Variants in AGBL1 observed in about 807,000 individuals in gnomAD.
AGBL1 encodes cytosolic carboxypeptidase 4.
Under a neutral mutation model 118.9 loss-of-function variants are expected in AGBL1, and 130 were observed. That is an observed-to-expected ratio of 1.09 (90% confidence interval 0.95 to 1.26). The LOEUF (loss-of-function observed/expected upper bound fraction) is 1.26, where lower values mean the gene tolerates loss of function less well. Among genes scored for constraint, AGBL1 ranks in the 50% most tolerant of loss-of-function variants. The pLI, the probability that AGBL1 is intolerant of heterozygous loss-of-function variation, is 0.00. For synonymous variants in AGBL1, 555 were observed against 478.9 expected (o/e 1.16, Z -2.08); for missense variants, 1,584 against 1,298.1 (o/e 1.22, Z -3.38).
intron 17 of AGBL1, among the ~76,000 whole-genome samples, chr15:86,367,275 G>T (rs1373677303): frequency 6.6e-6 from 1 of 152,170 alleles, no homozygotes; most frequent in Non-Finnish European, 1.5e-5. Flanking sequence ...CCTCTGTGTG[G>T]AATGTATTTT....
intron 18 of AGBL1, among the ~76,000 whole-genome samples, chr15:86,454,914 A>G (rs2082241395): frequency 6.6e-6 from 1 of 152,160 alleles, no homozygotes; most frequent in Admixed American, 6.5e-5. Flanking sequence ...TAAAATAAAA[A>G]CAAAAAAGCA....
At chr15:86,785,419 G>A (rs1195598372) in intron 22 of AGBL1, among the ~76,000 whole-genome samples, 2 of 142,490 alleles carry the variant, frequency 1.4e-5, no homozygotes, top group African/African-American at 5.2e-5. Flanking sequence ...CTGTCACCCA[G>A]GCTACAGTGT....
chr15:86,159,441 A>G (rs78380189), intron 5 of AGBL1, among the ~76,000 whole-genome samples: 1,962 of 152,222 alleles, frequency 0.013, 25 homozygotes, highest in East Asian at 0.062. Flanking sequence ...CTCAAAAGAC[A>G]TTTCATAAAT....
intron 23 of AGBL1, among the ~76,000 whole-genome samples, chr15:86,922,244 A>G (rs1444610102): frequency 1.3e-5 from 2 of 152,262 alleles, no homozygotes; most frequent in East Asian, 3.8e-4. Flanking sequence ...CAATAAAATT[A>G]CATTGTTGCA....
intron 17 of AGBL1, among the ~76,000 whole-genome samples, chr15:86,377,191 A>G (rs567272209): frequency 2.4e-4 from 36 of 152,294 alleles, no homozygotes; most frequent in Middle Eastern, 3.4e-3. Context: ...GATTATATGG[A>G]CCAATGCCCC....
At chr15:86,780,394 C>T (rs1364702772) in intron 22 of AGBL1, among the ~76,000 whole-genome samples, 1 of 152,158 alleles carries the variant, frequency 6.6e-6, no homozygotes, top group Non-Finnish European at 1.5e-5. Flanking sequence ...CTCTCAATAT[C>T]TTATTGGGTA....
At chr15:86,823,943 T>C (rs1390988286) in intron 22 of AGBL1, among the ~76,000 whole-genome samples, 1 of 151,990 alleles carries the variant, frequency 6.6e-6, no homozygotes, top group Non-Finnish European at 1.5e-5. Context: ...ATAAAAGGCA[T>C]CTACAAAAAA....
At chr15:86,894,048 C>A (rs2080088656) in intron 22 of AGBL1, among the ~76,000 whole-genome samples, 1 of 152,124 alleles carries the variant, frequency 6.6e-6, no homozygotes, top group Admixed American at 6.6e-5. Context: ...GCCCCTACAC[C>A]ATGACTCTCC....
chr15:86,505,185 TTC>T (rs2082960592), intron 18 of AGBL1, among the ~76,000 whole-genome samples: 1 of 151,924 alleles, frequency 6.6e-6, no homozygotes, highest in Non-Finnish European at 1.5e-5. Context: ...GCTTTCAAAA[TTC>T]TCTTTGTCTT....
chr15:86,107,890 A>G (rs1286840442), intron 1 of AGBL1, among the ~76,000 whole-genome samples: 1 of 152,174 alleles, frequency 6.6e-6, no homozygotes, highest in African/African-American at 2.4e-5. Flanking sequence ...ATGGGTTCCA[A>G]TTTGTGTCTT....
chr15:86,477,855 C>A (rs1360281348), intron 18 of AGBL1, among the ~76,000 whole-genome samples: 1 of 152,182 alleles, frequency 6.6e-6, no homozygotes, highest in Non-Finnish European at 1.5e-5. Context: ...CAAACCAAAT[C>A]CAGCAGCACA....
At chr15:86,942,859 T>G (rs1029839413) in intron 23 of AGBL1, among the ~76,000 whole-genome samples, 1 of 152,230 alleles carries the variant, frequency 6.6e-6, no homozygotes, top group Non-Finnish European at 1.5e-5. Context: ...ACCTTGTCAA[T>G]CCACCAATAG....
At chr15:86,404,164 C>T (rs1209068972) in intron 18 of AGBL1, among the ~76,000 whole-genome samples, 1 of 152,124 alleles carries the variant, frequency 6.6e-6, no homozygotes, top group Non-Finnish European at 1.5e-5. Flanking sequence ...TCTTCATATC[C>T]AGGGTGCCTG....
intron 22 of AGBL1, among the ~76,000 whole-genome samples, chr15:86,717,236 T>C (rs992385322): frequency 6.6e-6 from 1 of 152,222 alleles, no homozygotes; most frequent in Non-Finnish European, 1.5e-5. Context: ...GGGGTAGCAC[T>C]TCATAATGAA....
chr15:86,457,120 C>T lies in AGBL1; in HGVS notation c.2555+59574C>T, dbSNP rs114917231. On this transcript the variant is annotated intron_variant, in intron 18 of 22. Transcript: ENST00000614907. ...AAAATTTAAGAATGCACTTCAAATA[C>T]GCATTCTTAAAAAAAAGCTGTTCAA... is the stretch of plus-strand genomic sequence containing the variant. Among the ~76,000 whole-genome samples, 252 of 151,920 alleles carry T rather than the reference C, an allele frequency of 1.7e-3. 1 individual carries two copies. Among genetic ancestry groups the T allele is most frequent in the African/African-American group, 5.8e-3 (239 of 41,310 alleles).
At chr15:86,189,530 T>TG (rs1567114328) in intron 5 of AGBL1, among the ~76,000 whole-genome samples, 1 of 152,178 alleles carries the variant, frequency 6.6e-6, no homozygotes, top group Non-Finnish European at 1.5e-5. Context: ...AACATCTTGG[T>TG]GCTCTGCTCA....
intron 22 of AGBL1, among the ~76,000 whole-genome samples, chr15:86,701,549 G>C (rs943729701): frequency 1.3e-5 from 2 of 152,100 alleles, no homozygotes; most frequent in Non-Finnish European, 2.9e-5. Context: ...GTTAAGACTT[G>C]CTTTGTCTCT....
chr15:87,008,113 C>T (rs28529864), intron 24 of AGBL1, among the ~76,000 whole-genome samples: 15,297 of 152,164 alleles, frequency 0.1, 1,346 homozygotes, highest in African/African-American at 0.24. Flanking sequence ...TTTCTAAGCA[C>T]GTCTGTGGGA....
intron 23 of AGBL1, among the ~76,000 whole-genome samples, chr15:86,975,500 G>A (rs1382624079): frequency 6.6e-6 from 1 of 152,036 alleles, no homozygotes; most frequent in East Asian, 1.9e-4. Context: ...TGGGAATTGG[G>A]TAGGGACACA....
Sources: gnomAD v4.1 joint callset for allele counts (sites outside exome capture counted in the v4.1 genomes callset) on GRCh38, gnomAD v4.1.1 for gene constraint, MANE v1.5 for transcripts, NCBI Gene and HGNC (gene_info 2026-07-23, HGNC 2026-07-21) for gene names.